Variants in THRB observed in about 807,000 individuals in gnomAD.
THRB encodes thyroid hormone receptor beta, also known as nuclear receptor subfamily 1 group A member 2.
THRB carries 12 observed loss-of-function variants against 47.8 expected under a neutral mutation model. The observed-to-expected ratio is 0.25, with a 90% CI of 0.16 to 0.41. The LOEUF is 0.41. Among genes scored for constraint, THRB ranks in the 10% least tolerant of loss-of-function variants. The pLI is 1.00. For missense variants in THRB, 348 were observed against 589.2 expected (o/e 0.59, Z 4.24); for synonymous variants, 218 against 212.2 (o/e 1.03, Z -0.24).
chr3:24,189,911 T>G (rs2043112744), intron 5 of THRB, 163 bp downstream of exon 5: 3 of 682,870 alleles, frequency 4.4e-6, no homozygotes, highest in Non-Finnish European at 7.4e-6. Flanking sequence ...TATTTATGTT[T>G]AAAAGAATAT....
intron 3 of THRB, among the ~76,000 whole-genome samples, chr3:24,239,436 G>T (rs1016749345): frequency 5.9e-5 from 9 of 151,966 alleles, no homozygotes; most frequent in Admixed American, 6.6e-5. Context: ...GTTCCAATTT[G>T]CAAGAATTAA....
At chr3:24,417,165 C>A in intron 1 of THRB, among the ~76,000 whole-genome samples, 1 of 151,596 alleles carries the variant, frequency 6.6e-6, no homozygotes, top group East Asian at 2.0e-4. Flanking sequence ...ACTGCTTTAT[C>A]TGACTGGATG....
At chr3:24,210,649 C>T (rs143197039) in intron 4 of THRB, among the ~76,000 whole-genome samples, 1,934 of 152,252 alleles carry the variant, frequency 0.013, 30 homozygotes, top group African/African-American at 0.041. Flanking sequence ...TGATTCAAAG[C>T]GTTCATCCTC....
chr3:24,255,089 A>C lies in THRB; in HGVS notation c.-42-26088T>G, dbSNP rs1008276111. Among the ~76,000 whole-genome samples the C allele has an allele frequency of 1.4e-4, 21 of 152,230 alleles. 1 individual carries two copies. Among genetic ancestry groups the C allele is most frequent in the African/African-American group, 4.6e-4 (19 of 41,464 alleles). On this transcript the variant is annotated intron_variant, in intron 3 of 10. Coordinates refer to ENST00000646209, the MANE Select transcript of THRB (RefSeq NM_001354712.2). ...ATCCACCAAGATATAGGCTTTATCA[A>C]TTCCATTGTTGTCTGATGCTTATGC...
chr3:24,152,242 G>T, intron 6 of THRB, 148 bp downstream of exon 6: 1 of 580,652 alleles, frequency 1.7e-6, no homozygotes. Context: ...AAAATGAAGA[G>T]CACAACCAGA....
rs759003084 is a variant in THRB at position 24,127,695 on chromosome 3, G to A, written c.948C>T (p.Arg316=). Residue 316 remains arginine, a synonymous_variant, in exon 10 of 11, where the codon CGC becomes CGT. Coordinates refer to ENST00000646209, the MANE Select transcript of THRB (RefSeq NM_001354712.2). ...TTTCTGGGTCATAGCGCACAGCAGC[G>A]CGAAGGGACATGATCTCCATGCAGC... ...KGCCMEIMSL[R]AAVRYDPESE... 27 of 1,614,066 alleles carry A rather than the reference G, an allele frequency of 1.7e-5. No homozygotes were observed. Among genetic ancestry groups the A allele is most frequent in the East Asian group, 4.5e-5 (2 of 44,898 alleles).
At chr3:24,163,714 C>G (rs1293421441) in intron 5 of THRB, among the ~76,000 whole-genome samples, 1 of 151,996 alleles carries the variant, frequency 6.6e-6, no homozygotes, top group Non-Finnish European at 1.5e-5. Context: ...TGATGACCTT[C>G]AAAAGGATGC....
At chr3:24,222,756 T>C (rs189211091) in intron 4 of THRB, among the ~76,000 whole-genome samples, 12 of 152,274 alleles carry the variant, frequency 7.9e-5, no homozygotes, top group African/African-American at 2.9e-4. Context: ...CCCCATCACA[T>C]TGTGTGGTTA....
At chr3:24,381,359 T>C (rs530626960) in intron 1 of THRB, among the ~76,000 whole-genome samples, 47 of 152,046 alleles carry the variant, frequency 3.1e-4, no homozygotes, top group Non-Finnish European at 5.9e-4. Flanking sequence ...TTGAACAAAT[T>C]TGGGGACAAT....
chr3:24,364,452 A>G (rs1337902273), intron 1 of THRB, among the ~76,000 whole-genome samples: 1 of 152,324 alleles, frequency 6.6e-6, no homozygotes, highest in African/African-American at 2.4e-5. Flanking sequence ...TAATATAAAA[A>G]TAACTTTCCA....
At chr3:24,455,945 G>A (rs2073128480) in intron 1 of THRB, among the ~76,000 whole-genome samples, 1 of 152,178 alleles carries the variant, frequency 6.6e-6, no homozygotes, top group African/African-American at 2.4e-5. Context: ...TTTATCAGCT[G>A]CTTCACTGAA....
At chr3:24,476,373 T>G (rs983165578) in intron 1 of THRB, among the ~76,000 whole-genome samples, 1 of 152,250 alleles carries the variant, frequency 6.6e-6, no homozygotes, top group African/African-American at 2.4e-5. Context: ...TATCTAAATT[T>G]AAGTACTCAT....
intron 3 of THRB, among the ~76,000 whole-genome samples, chr3:24,231,853 G>C (rs139696132): frequency 6.6e-6 from 1 of 152,178 alleles, no homozygotes; most frequent in African/African-American, 2.4e-5. Flanking sequence ...AAGGAGAAAA[G>C]AAAGTCCAAA....
chr3:24,470,313 A>C (rs1011652532), intron 1 of THRB, among the ~76,000 whole-genome samples: 1 of 152,240 alleles, frequency 6.6e-6, no homozygotes. Flanking sequence ...TTAAGGACTC[A>C]CAGTCAACAA....
At chr3:24,247,661 A>C (rs1287192720) in intron 3 of THRB, among the ~76,000 whole-genome samples, 1 of 152,106 alleles carries the variant, frequency 6.6e-6, no homozygotes, top group African/African-American at 2.4e-5. Context: ...CATCTCTTTT[A>C]CAGATGAGGA....
At chr3:24,412,655 C>T (rs913125567) in intron 1 of THRB, among the ~76,000 whole-genome samples, 5 of 151,634 alleles carry the variant, frequency 3.3e-5, no homozygotes, top group Non-Finnish European at 5.9e-5. Context: ...GTAAAGCATC[C>T]CAACATAAAT....
chr3:24,277,216 A>C (rs1441221136), intron 3 of THRB, among the ~76,000 whole-genome samples: 1 of 152,136 alleles, frequency 6.6e-6, no homozygotes, highest in East Asian at 1.9e-4. Flanking sequence ...TTCATCTGGC[A>C]ATGTCTGGAG....
At chr3:24,241,504 A>AGTTGCCT (rs1289858122) in intron 3 of THRB, among the ~76,000 whole-genome samples, 33 of 152,196 alleles carry the variant, frequency 2.2e-4, no homozygotes, top group African/African-American at 8.0e-4. Flanking sequence ...TCAGGCCTAC[A>AGTTGCCT]GAGAAATCTA....
intron 3 of THRB, among the ~76,000 whole-genome samples, chr3:24,270,389 A>G (rs1009975400): frequency 2.6e-5 from 4 of 152,250 alleles, no homozygotes; most frequent in Admixed American, 2.0e-4. Flanking sequence ...AACATGTGTC[A>G]GGTCAGAGAT....
Sources: allele counts gnomAD v4.1 joint callset (sites outside exome capture counted in the v4.1 genomes callset), GRCh38; gene constraint gnomAD v4.1.1; transcripts MANE v1.5; gene names NCBI Gene and HGNC (gene_info 2026-07-23, HGNC 2026-07-21).